The following RYR3 variants were observed in gnomAD, a reference collection of about 807,000 sequenced individuals.
RYR3 encodes brain ryanodine receptor-calcium release channel.
In RYR3, 207 loss-of-function variants were observed where a neutral mutation model predicts 584.3. That is an observed-to-expected ratio of 0.35 (90% CI 0.32 to 0.40). The LOEUF (loss-of-function observed/expected upper bound fraction) is 0.40. Ranked by LOEUF, RYR3 falls within the 10% of genes least tolerant of loss-of-function variation. RYR3 has a pLI of 1.00. For missense variants in RYR3, 5,616 were observed against 6,089.2 expected (o/e 0.92, Z 2.59); for synonymous variants, 2,416 against 2,248.5 (o/e 1.07, Z -2.11).
At chr15:33,449,206 AC>A (rs1172138659) in intron 1 of RYR3, among the ~76,000 whole-genome samples, 1 of 152,062 alleles carries the variant, frequency 6.6e-6, no homozygotes, top group Admixed American at 6.5e-5. Flanking sequence ...GGCTGTGGTC[AC>A]CTTAGTGCTC....
chr15:33,435,588 C>G (rs1047860165), intron 1 of RYR3, among the ~76,000 whole-genome samples: 1 of 152,160 alleles, frequency 6.6e-6, no homozygotes, highest in African/African-American at 2.4e-5. Context: ...GCCTCTTCCT[C>G]CATATTGTGT....
chr15:33,722,947 A>G, intron 44 of RYR3, 52 bp downstream of exon 44: 1 of 1,446,404 alleles, frequency 6.9e-7, no homozygotes. Context: ...GAGCTCTCAG[A>G]TATTATTGGT....
chr15:33,863,527 T>C (rs1331659491), intron 102 of RYR3, among the ~76,000 whole-genome samples: 1 of 152,170 alleles, frequency 6.6e-6, no homozygotes, highest in Non-Finnish European at 1.5e-5. Context: ...TCTGAGATCA[T>C]ATAATGTGAG....
chr15:33,723,089 C>T (rs1051114289), intron 44 of RYR3, among the ~76,000 whole-genome samples, 194 bp downstream of exon 44: 2 of 152,222 alleles, frequency 1.3e-5, no homozygotes, highest in Non-Finnish European at 2.9e-5. Context: ...CACCTTCACC[C>T]CCTTCCATTT....
chr15:33,746,169 G>A lies in RYR3; in HGVS notation c.7989+12G>A. On this transcript the variant is annotated intron_variant, in intron 53 of 103. Coordinates refer to ENST00000634891, the MANE Select transcript of RYR3 (RefSeq NM_001036.6). ...CATTAACGGAGAAGGTAAGAAGCAG[G>A]CCTCTGGTAACACTGTGTGACCATG... The A allele has an allele frequency of 6.4e-7, 1 of 1,559,208 alleles. No homozygotes were observed. The highest frequency in any genetic ancestry group is 8.7e-7 in the Non-Finnish European group (1 of 1,142,894).
intron 69 of RYR3, among the ~76,000 whole-genome samples, chr15:33,803,991 G>A (rs1038756967): frequency 5.3e-5 from 8 of 152,184 alleles, no homozygotes; most frequent in Non-Finnish European, 1.2e-4. Context: ...AATGCTCAAG[G>A]TCCTTGGGTT....
Position 33,344,699 on chromosome 15 carries a change from T to C in RYR3, c.51+33603T>C, listed in dbSNP as rs1251813984. Among the ~76,000 whole-genome samples, 6 of 152,254 alleles carry C rather than the reference T, an allele frequency of 3.9e-5. No individual in the cohort carries two copies. The East Asian group carries it at 5.8e-4, about 15-fold the overall frequency. On this transcript the variant is annotated intron_variant, in intron 1 of 103. Coordinates refer to ENST00000634891, the MANE Select transcript of RYR3 (RefSeq NM_001036.6). Reference sequence around the variant, plus strand: ...CCTGATGAGTATAATAACAGAACCATTGAGAAGACGGTTTCTTAAAACAAA... The same window carrying C: ...CCTGATGAGTATAATAACAGAACCACTGAGAAGACGGTTTCTTAAAACAAA...
intron 102 of RYR3, among the ~76,000 whole-genome samples, chr15:33,862,054 T>C (rs1888438683): frequency 2.0e-5 from 3 of 152,188 alleles, no homozygotes; most frequent in Non-Finnish European, 4.4e-5. Context: ...GCTAGGGACT[T>C]CCTATAAAAC....
intron 85 of RYR3, 81 bp from the exon 86 acceptor site, chr15:33,830,882 T>C: frequency 6.8e-7 from 1 of 1,465,076 alleles, no homozygotes; most frequent in East Asian, 2.3e-5. Flanking sequence ...TGCAGGATTA[T>C]CATGTACCCT....
intron 1 of RYR3, among the ~76,000 whole-genome samples, chr15:33,463,779 C>G (rs1478147747): frequency 6.6e-6 from 1 of 152,154 alleles, no homozygotes; most frequent in African/African-American, 2.4e-5. Context: ...AAGCTCCAAC[C>G]TCTGCCTTCT....
chr15:33,545,550 G>T (rs964647155), intron 8 of RYR3, among the ~76,000 whole-genome samples: 1 of 152,064 alleles, frequency 6.6e-6, no homozygotes, highest in Non-Finnish European at 1.5e-5. Context: ...AAGCGTGAAG[G>T]GTTTGAGACT....
intron 52 of RYR3, among the ~76,000 whole-genome samples, chr15:33,743,869 C>T (rs1039656710): frequency 6.6e-6 from 1 of 152,192 alleles, no homozygotes; most frequent in African/African-American, 2.4e-5. Flanking sequence ...CATATTCTAC[C>T]ACTGCTTCTC....
chr15:33,848,388 A>G lies in RYR3; in HGVS notation c.13595A>G (p.Lys4532Arg). 1 of 1,613,506 alleles carries G rather than the reference A, an allele frequency of 6.2e-7. No individual in the cohort carries two copies. The highest frequency in any genetic ancestry group is 1.7e-5 in the Admixed American group (1 of 59,984). ...ITEQPSEDDI[K>R]GQWDRLVINT... ...GAACAGCCATCTGAAGATGACATCA[A>G]GGGGCAGTGGGACCGCTTGGTGATC... The change falls in exon 94 of 104, where the codon AAG (lysine) becomes AGG (arginine). Residue 4532 changes from lysine (K) to arginine (R), a missense_variant. Coordinates refer to ENST00000634891, the MANE Select transcript of RYR3 (RefSeq NM_001036.6).
At chr15:33,831,667 A>G (rs534869157) in intron 86 of RYR3, among the ~76,000 whole-genome samples, 7 of 152,348 alleles carry the variant, frequency 4.6e-5, no homozygotes, top group African/African-American at 1.4e-4. Context: ...TTCTCTATTC[A>G]TAGTATTTTC....
chr15:33,522,093 A>T (rs2054033753), intron 3 of RYR3, among the ~76,000 whole-genome samples: 1 of 20,404 alleles, frequency 4.9e-5, no homozygotes, highest in African/African-American at 1.0e-4. Flanking sequence ...ATCTCTACTT[A>T]AAAAAAAAAA....
intron 39 of RYR3, among the ~76,000 whole-genome samples, 194 bp from the exon 40 acceptor site, chr15:33,697,688 G>A (rs2065947235): frequency 6.6e-6 from 1 of 152,120 alleles, no homozygotes; most frequent in African/African-American, 2.4e-5. Context: ...AGAAATAGAG[G>A]AGCACAGAAT....
intron 12 of RYR3, among the ~76,000 whole-genome samples, chr15:33,577,363 A>C (rs970257039): frequency 2.0e-5 from 3 of 152,216 alleles, no homozygotes; most frequent in Admixed American, 1.3e-4. Context: ...CCCAACTTCA[A>C]ACTATGTTAT....
intron 1 of RYR3, among the ~76,000 whole-genome samples, chr15:33,425,799 A>G (rs371730345): frequency 0.017 from 2,550 of 151,438 alleles, 26 homozygotes; most frequent in African/African-American, 0.033. Flanking sequence ...CCGCCACCAC[A>G]CCCGGCTAAT....
At chr15:33,457,928 G>T (rs192405041) in intron 1 of RYR3, among the ~76,000 whole-genome samples, 1 of 152,276 alleles carries the variant, frequency 6.6e-6, no homozygotes, top group South Asian at 2.1e-4. Context: ...GTCATGGAGC[G>T]GTTTGGGAGT....
Sources: allele counts gnomAD v4.1 joint callset (sites outside exome capture counted in the v4.1 genomes callset), GRCh38; gene constraint gnomAD v4.1.1; transcripts MANE v1.5; gene names NCBI Gene and HGNC (gene_info 2026-07-23, HGNC 2026-07-21).